TSPEAR: variants seen among roughly 807,000 people sequenced by gnomAD.
TSPEAR encodes the protein thrombospondin-type laminin G domain and EAR repeat-containing protein.
In TSPEAR, 69 loss-of-function variants were observed where a neutral mutation model predicts 71.6. The observed-to-expected ratio is 0.96, with a 90% CI of 0.79 to 1.18. The LOEUF is 1.18. TSPEAR is among the 50% of genes most tolerant of loss of function. TSPEAR has a pLI of 0.00. For missense variants in TSPEAR, 971 were observed against 894.9 expected (o/e 1.09, Z -1.09); for synonymous variants, 402 against 387.2 (o/e 1.04, Z -0.45).
At chr21:44,632,589 A>C (rs587701934) in intron 1 of TSPEAR, among the ~76,000 whole-genome samples, 10 of 152,344 alleles carry the variant, frequency 6.6e-5, no homozygotes, top group African/African-American at 2.4e-4. Flanking sequence ...TAATCCCAGC[A>C]CTTTGGGAGG....
intron 6 of TSPEAR, 43 bp from the exon 7 acceptor site, chr21:44,527,561 C>T (rs201396496): frequency 2.3e-5 from 37 of 1,599,730 alleles, no homozygotes; most frequent in Middle Eastern, 3.3e-4. Context: ...TTTCCGAGAA[C>T]GGAAATCCAG....
At chr21:44,595,362 G>A (rs1980293521) in intron 1 of TSPEAR, among the ~76,000 whole-genome samples, 2 of 152,188 alleles carry the variant, frequency 1.3e-5, no homozygotes, top group African/African-American at 4.8e-5. Context: ...CCTACAGGAA[G>A]CACAGGGTTA....
intron 9 of TSPEAR, chr21:44,519,935 C>G (rs964396378): frequency 6.6e-6 from 1 of 152,354 alleles, no homozygotes; most frequent in African/African-American, 2.4e-5. Context: ...CCACCTACCT[C>G]CTGAGGCTGT....
At chr21:44,558,553 T>A (rs1555920416) in intron 2 of TSPEAR, 2 of 1,612,996 alleles carry the variant, frequency 1.2e-6, no homozygotes, top group South Asian at 1.1e-5. Flanking sequence ...CAGCAGGGGC[T>A]GGACACACAG....
At position 44,593,664 on chromosome 21, in the gene TSPEAR, A is replaced by G. The variant is rs1206212214; in HGVS notation, c.83-25659T>C. ...CTAAAGTTAAAATAGAGACCGTAAG[A>G]CCCACAGAGCAGACTCTGGCAATAA... On this transcript the variant is annotated intron_variant, in intron 1 of 11. Transcript: ENST00000323084. This position sits in a 1 kb window ranked among gnomAD's most constrained non-coding sequence, Gnocchi z 5.9. Among the ~76,000 whole-genome samples the G allele has an allele frequency of 6.6e-6, 1 of 152,122 alleles. No individual in the cohort carries two copies. Among genetic ancestry groups the G allele is most frequent in the Non-Finnish European group, 1.5e-5 (1 of 68,002 alleles).
chr21:44,538,072 G>T (rs1164962359), intron 2 of TSPEAR, among the ~76,000 whole-genome samples: 1 of 152,258 alleles, frequency 6.6e-6, no homozygotes, highest in East Asian at 1.9e-4. Context: ...CACAGCCGTG[G>T]CAGCACCATG....
chr21:44,646,581 C>A, intron 1 of TSPEAR: 1 of 1,612,484 alleles, frequency 6.2e-7, no homozygotes, highest in Non-Finnish European at 8.5e-7. Flanking sequence ...CCCCGGCCCC[C>A]TCCCTGAGCC....
chr21:44,683,720 TA>T (rs201163447), intron 1 of TSPEAR, among the ~76,000 whole-genome samples: 14 of 151,890 alleles, frequency 9.2e-5, no homozygotes, highest in African/African-American at 2.7e-4. Flanking sequence ...AATTCACTGT[TA>T]AAAAAAATAA....
Position 44,695,578 on chromosome 21 carries a change from G to A in TSPEAR, c.82+15855C>T, listed in dbSNP as rs1987299461. Among the ~76,000 whole-genome samples the A allele has an allele frequency of 6.6e-6, 1 of 152,144 alleles. No individual in the cohort carries two copies. Among genetic ancestry groups the A allele is most frequent in the African/African-American group, 2.4e-5 (1 of 41,426 alleles). ...CTCCAAGTTCCTGGTCCCTTGTGGT[G>A]GGCCAGTTTATTCAGCTTAGGAGAA... On this transcript the variant is annotated intron_variant, in intron 1 of 11. Transcript: ENST00000323084. The surrounding 1 kb of genome is among the most constrained non-coding windows in gnomAD (Gnocchi z 4.5).
At chr21:44,634,553 C>CAA (rs1983435529) in intron 1 of TSPEAR, among the ~76,000 whole-genome samples, 1 of 152,154 alleles carries the variant, frequency 6.6e-6, no homozygotes, top group South Asian at 2.1e-4. Flanking sequence ...ACAACCCACA[C>CAA]AAGGGAAGAA....
intron 2 of TSPEAR, among the ~76,000 whole-genome samples, chr21:44,544,629 T>C (rs1215198316): frequency 6.6e-6 from 1 of 152,224 alleles, no homozygotes; most frequent in Non-Finnish European, 1.5e-5. Flanking sequence ...CATCATAATT[T>C]TCCAGACCTT....
At chr21:44,650,193 G>A (rs1298037584) in intron 1 of TSPEAR, among the ~76,000 whole-genome samples, 9 of 150,280 alleles carry the variant, frequency 6.0e-5, no homozygotes, top group Non-Finnish European at 3.0e-5. Context: ...TCCAGCCTGG[G>A]TGACCAGGCA....
intron 1 of TSPEAR, among the ~76,000 whole-genome samples, chr21:44,700,369 G>A (rs952167030): frequency 1.3e-5 from 2 of 152,048 alleles, no homozygotes; most frequent in East Asian, 1.9e-4. Context: ...CTCCTCTGCC[G>A]ACCCCCAGTG....
intron 2 of TSPEAR, among the ~76,000 whole-genome samples, chr21:44,547,359 G>C (rs1555917835): frequency 6.6e-6 from 1 of 152,036 alleles, no homozygotes. Context: ...TGATCGAAAG[G>C]CTTTATCTAG....
intron 2 of TSPEAR, among the ~76,000 whole-genome samples, chr21:44,547,923 G>GT (rs1422197363): frequency 6.6e-6 from 1 of 152,186 alleles, no homozygotes; most frequent in South Asian, 2.1e-4. Context: ...ATGGGCATGC[G>GT]TGGGGGCCTT....
intron 1 of TSPEAR, chr21:44,573,715 C>G: frequency 6.3e-7 from 1 of 1,589,758 alleles, no homozygotes; most frequent in South Asian, 1.2e-5. Flanking sequence ...CACCCACTCC[C>G]TCCCATCTCC....
At chr21:44,676,874 T>C in intron 1 of TSPEAR, 1 of 910,442 alleles carries the variant, frequency 1.1e-6, no homozygotes, top group East Asian at 2.4e-5. Context: ...TCTGTGGCCT[T>C]CTGTTCTGCT....
chr21:44,512,080 C>A (rs2052401520), intron 9 of TSPEAR, among the ~76,000 whole-genome samples: 1 of 152,158 alleles, frequency 6.6e-6, no homozygotes, highest in Non-Finnish European at 1.5e-5. Flanking sequence ...GGAAGGGTAT[C>A]CAGGCAGAAG....
At chr21:44,691,195 G>T (rs1987110178) in intron 1 of TSPEAR, among the ~76,000 whole-genome samples, 1 of 151,812 alleles carries the variant, frequency 6.6e-6, no homozygotes, top group Non-Finnish European at 1.5e-5. Context: ...CAACCTTGTT[G>T]CTTTGAGTCC....
Sources: allele counts gnomAD v4.1 joint callset (sites outside exome capture counted in the v4.1 genomes callset), GRCh38; gene constraint gnomAD v4.1.1; non-coding constraint Gnocchi (gnomAD v3.1); transcripts MANE v1.5; gene names NCBI Gene and HGNC (gene_info 2026-07-23, HGNC 2026-07-21).